FGL1: variants seen among roughly 807,000 people sequenced by gnomAD.
FGL1 encodes fibrinogen-like protein 1.
Under a neutral mutation model 43.7 loss-of-function variants are expected in FGL1, and 59 were observed. The observed-to-expected ratio is 1.35, with a 90% CI of 1.10 to 1.68. The LOEUF is 1.68. FGL1 is among the 40% of genes most tolerant of loss of function. The probability of loss-of-function intolerance (pLI) is 0.00; values close to 1 mark genes in which losing one functional copy is unlikely to be tolerated. For missense variants in FGL1, 596 were observed against 373.0 expected (o/e 1.60, Z -4.92); for synonymous variants, 192 against 126.5 (o/e 1.52, Z -3.48).
At chr8:17,888,028 T>C (rs2053654342) in intron 1 of FGL1, among the ~76,000 whole-genome samples, 2 of 152,168 alleles carry the variant, frequency 1.3e-5, no homozygotes, top group Non-Finnish European at 2.9e-5. Flanking sequence ...ATAGAAATAG[T>C]AGTCTTAGGC....
chr8:17,885,331 C>T (rs890856575), intron 2 of FGL1, among the ~76,000 whole-genome samples, 161 bp downstream of exon 2: 3 of 152,086 alleles, frequency 2.0e-5, no homozygotes, highest in African/African-American at 4.8e-5. Context: ...CTTTAAAGTG[C>T]TGCTTTACTA....
chr8:17,870,249 C>A (rs150938365), intron 5 of FGL1, among the ~76,000 whole-genome samples: 1 of 151,864 alleles, frequency 6.6e-6, no homozygotes, highest in African/African-American at 2.4e-5. Context: ...AAATTCTAGG[C>A]GATATAAGAG....
intron 7 of FGL1, 140 bp from the exon 8 acceptor site, chr8:17,864,891 G>C: frequency 6.3e-6 from 4 of 639,238 alleles, no homozygotes; most frequent in Non-Finnish European, 9.1e-6. Context: ...ATATTTACTA[G>C]TTTCCAAAAG....
At chr8:17,867,142 G>T (rs1022774633) in intron 7 of FGL1, among the ~76,000 whole-genome samples, 1 of 152,200 alleles carries the variant, frequency 6.6e-6, no homozygotes, top group Non-Finnish European at 1.5e-5. Context: ...CTTATCTGCA[G>T]GGGATACGTT....
intron 7 of FGL1, among the ~76,000 whole-genome samples, chr8:17,867,964 T>TA (rs1200487484): frequency 6.6e-6 from 1 of 152,042 alleles, no homozygotes; most frequent in Non-Finnish European, 1.5e-5. Flanking sequence ...TTTGTATCAG[T>TA]AAAAAAAGAA....
In FGL1 at chr8:17,874,079, C is replaced by T; in HGVS notation, c.442G>A (p.Val148Ile). ...AGCCAATATTCACCATGTTTTTGGA[C>T]AAAATTTCCAAAGCCATTTTCATAG... is the stretch of plus-strand genomic sequence containing the variant. The part of the protein sequence containing the change: ...KDYENGFGNF[V>I]QKHGEYWLGN... The change falls in exon 5 of 8, where the codon GTC becomes ATC. Residue 148 changes from valine to isoleucine, a missense_variant. By Grantham distance (29) the Val-to-Ile change is conservative. Transcript: ENST00000427924. 1 of 1,610,544 alleles carries T rather than the reference C, an allele frequency of 6.2e-7. No individual in the cohort carries two copies. Among genetic ancestry groups the T allele is most frequent in the East Asian group, 2.2e-5 (1 of 44,594 alleles).
chr8:17,885,453 G>T, intron 2 of FGL1, 39 bp downstream of exon 2: 4 of 1,471,052 alleles, frequency 2.7e-6, no homozygotes, highest in Non-Finnish European at 3.8e-6. Flanking sequence ...ATAAAAGCAG[G>T]CATTATAAAT....
intron 5 of FGL1, among the ~76,000 whole-genome samples, chr8:17,871,416 C>T (rs557753420): frequency 1.3e-5 from 2 of 151,036 alleles, no homozygotes; most frequent in East Asian, 2.0e-4. Context: ...ATTGCTTGAG[C>T]CAAGAGTCAG....
intron 1 of FGL1, among the ~76,000 whole-genome samples, chr8:17,887,789 C>A (rs1228497085): frequency 6.6e-6 from 1 of 151,144 alleles, no homozygotes. Context: ...GAGCCGAGAT[C>A]ACGCCACTGC....
At chr8:17,882,467 T>G in intron 2 of FGL1, 1 of 221,930 alleles carries the variant, frequency 4.5e-6, no homozygotes. Context: ...CTCATAACAA[T>G]TCCATGCGGT....
At chr8:17,876,994 T>C (rs573107696) in intron 3 of FGL1, among the ~76,000 whole-genome samples, 1 of 151,994 alleles carries the variant, frequency 6.6e-6, no homozygotes, top group Non-Finnish European at 1.5e-5. Flanking sequence ...AACAAATAAA[T>C]AAACATTAAA....
chr8:17,885,692 T>C, intron 1 of FGL1, 121 bp from the exon 2 acceptor site: 1 of 713,892 alleles, frequency 1.4e-6, no homozygotes. Context: ...AATCTTAGAG[T>C]CGCCGAGGAA....
At chr8:17,865,959 T>G (rs1461410552) in intron 7 of FGL1, among the ~76,000 whole-genome samples, 2 of 152,210 alleles carry the variant, frequency 1.3e-5, no homozygotes, top group Non-Finnish European at 2.9e-5. Flanking sequence ...ATTGAAAATA[T>G]GTATGTCAAG....
At chr8:17,867,108 T>C (rs1331587788) in intron 7 of FGL1, among the ~76,000 whole-genome samples, 1 of 152,182 alleles carries the variant, frequency 6.6e-6, no homozygotes, top group Non-Finnish European at 1.5e-5. Context: ...AAGATGACTA[T>C]TTTTACAACA....
In FGL1 at chr8:17,865,084, C is replaced by T. The variant is rs376586850; in HGVS notation, c.780-333G>A. Among the ~76,000 whole-genome samples, 171 of 152,162 alleles carry T rather than the reference C, an allele frequency of 1.1e-3. 1 individual carries two copies. The highest frequency in any genetic ancestry group is 3.9e-3 in the African/African-American group (163 of 41,514). On this transcript the variant is annotated intron_variant, in intron 7 of 7. Coordinates refer to ENST00000427924, the MANE Select transcript of FGL1 (RefSeq NM_004467.4). ...AACAGGTGTGAGCCACTGCGCCTGG[C>T]CTCAGAGATGGGTATTTTAAAATGG...
rs1235610813 is a variant in FGL1, at chr8:17,871,813, A to G, written c.502+2206T>C. Among the ~76,000 whole-genome samples the G allele has an allele frequency of 2.0e-5, 3 of 152,198 alleles. No homozygotes were observed. The East Asian group carries it at 5.8e-4, about 29-fold the overall frequency. ...AAAAACACGTTTTTTCTCCAACGAG[A>G]TTAGCCAGCCTGAGTACCAAGTTGA... On this transcript the variant is annotated intron_variant, in intron 5 of 7. Coordinates refer to ENST00000427924, the MANE Select transcript of FGL1 (RefSeq NM_004467.4).
intron 1 of FGL1, among the ~76,000 whole-genome samples, chr8:17,893,090 A>G (rs879355296): frequency 6.6e-6 from 1 of 152,122 alleles, no homozygotes; most frequent in African/African-American, 2.4e-5. Context: ...TATCCCAGCT[A>G]CTGTGTTGGT....
intron 7 of FGL1, among the ~76,000 whole-genome samples, chr8:17,867,080 A>C (rs2053279680): frequency 1.3e-5 from 2 of 152,184 alleles, no homozygotes; most frequent in South Asian, 4.1e-4. Context: ...TGTTTTTTTA[A>C]AAAAGCAAAA....
At chr8:17,872,765 A>T (rs555199323) in intron 5 of FGL1, among the ~76,000 whole-genome samples, 11 of 152,300 alleles carry the variant, frequency 7.2e-5, no homozygotes, top group Admixed American at 5.9e-4. Context: ...AACATGGGAG[A>T]TAGAAGCTGG....
Sources: allele counts gnomAD v4.1 joint callset (sites outside exome capture counted in the v4.1 genomes callset), GRCh38; gene constraint gnomAD v4.1.1; transcripts MANE v1.5; gene names NCBI Gene and HGNC (gene_info 2026-07-23, HGNC 2026-07-21).